The following FAM153A variants were observed in gnomAD, a reference collection of about 807,000 sequenced individuals.
The protein encoded by FAM153A is family with sequence similarity 153 member A.
In FAM153A, 12 loss-of-function variants were observed where a neutral mutation model predicts 48.1. The observed-to-expected ratio is 0.25, with a 90% CI of 0.16 to 0.40. The LOEUF (loss-of-function observed/expected upper bound fraction) is 0.40. FAM153A is among the 10% of genes least tolerant of loss of function. FAM153A has a pLI of 1.00. For missense variants in FAM153A, 111 were observed against 345.8 expected (o/e 0.32, Z 5.38); for synonymous variants, 36 against 118.2 (o/e 0.30, Z 4.51).
chr5:177,706,664 A>G (rs538351233), downstream of FAM153A: 31 of 152,030 alleles, frequency 2.0e-4, no homozygotes, highest in South Asian at 2.3e-3. Flanking sequence ...ACTATTTTCT[A>G]TGTTAATTCT....
chr5:177,704,226 A>C (rs377138110), downstream of FAM153A, among the ~76,000 whole-genome samples: 3 of 56,146 alleles, frequency 5.3e-5, no homozygotes, highest in Non-Finnish European at 3.3e-5. Context: ...TGTTTGAGGT[A>C]GGGCATGGTG....
intron 26 of FAM153A, among the ~76,000 whole-genome samples, chr5:177,713,433 A>AT (rs1758879999): frequency 6.9e-6 from 1 of 145,720 alleles, no homozygotes; most frequent in South Asian, 2.2e-4. Context: ...TTTTTTTTGT[A>AT]TTTTTAGTAG....
At chr5:177,714,216 T>C (rs1203847377) in intron 25 of FAM153A, 1 of 150,756 alleles carries the variant, frequency 6.6e-6, no homozygotes, top group Non-Finnish European at 1.5e-5. Context: ...AAAAGCAATA[T>C]ATTAACAAAT....
intron 12 of FAM153A, among the ~76,000 whole-genome samples, chr5:177,736,332 C>A (rs543246394): frequency 1.3e-5 from 2 of 149,524 alleles, no homozygotes. Context: ...CAGACTGTCT[C>A]CTCTGTCCCT....
chr5:177,772,091 A>G, intron 1 of FAM153A, among the ~76,000 whole-genome samples: 1 of 99,072 alleles, frequency 1.0e-5, no homozygotes, highest in South Asian at 3.6e-4. Flanking sequence ...AATGCATTAT[A>G]TAAGGTTTTC....
chr5:177,765,415 T>G (rs1768665895), intron 1 of FAM153A, among the ~76,000 whole-genome samples: 1 of 107,610 alleles, frequency 9.3e-6, no homozygotes, highest in Non-Finnish European at 1.9e-5. Context: ...CTGGCCCCAG[T>G]GAGGATGCCT....
intron 1 of FAM153A, chr5:177,753,067 G>C (rs1767239931): frequency 2.7e-6 from 2 of 730,326 alleles, no homozygotes; most frequent in African/African-American, 2.0e-5. Context: ...TAAATCTGTA[G>C]ACAAATAGGA....
At chr5:177,708,988 G>A (rs529877003), downstream of FAM153A, among the ~76,000 whole-genome samples, 6 of 149,854 alleles carry the variant, frequency 4.0e-5, no homozygotes, top group Non-Finnish European at 8.9e-5. Context: ...CCAGCGACTC[G>A]GGAGGCTGGG....
At chr5:177,706,216 A>C (rs1397810953), downstream of FAM153A, among the ~76,000 whole-genome samples, 1 of 151,654 alleles carries the variant, frequency 6.6e-6, no homozygotes, top group Admixed American at 6.6e-5. Flanking sequence ...GTTGTTTTTG[A>C]GACAGAGTCT....
At chr5:177,708,233 T>C (rs1456826835), downstream of FAM153A, among the ~76,000 whole-genome samples, 1 of 148,594 alleles carries the variant, frequency 6.7e-6, no homozygotes, top group East Asian at 2.0e-4. Flanking sequence ...ACATCACTGG[T>C]TTCAGGGTTT....
chr5:177,705,438 G>T (rs1207532434), downstream of FAM153A, among the ~76,000 whole-genome samples: 10 of 149,384 alleles, frequency 6.7e-5, no homozygotes, highest in Admixed American at 6.1e-4. Flanking sequence ...AGCAGAAGCT[G>T]CTATGCTGCT....
chr5:177,744,849 A>C, intron 5 of FAM153A, 39 bp downstream of exon 7: 1 of 1,314,960 alleles, frequency 7.6e-7, no homozygotes, highest in South Asian at 1.2e-5. Flanking sequence ...AAGCTAAGAA[A>C]GCAACAGTTT....
chr5:177,738,943 G>A (rs1438999101), intron 10 of FAM153A, among the ~76,000 whole-genome samples, 170 bp downstream of exon 12: 1 of 149,584 alleles, frequency 6.7e-6, no homozygotes, highest in Admixed American at 6.6e-5. Flanking sequence ...CAGAGACTAC[G>A]TAGGATGGTC....
downstream of FAM153A, chr5:177,706,639 T>C (rs1364445419): frequency 6.6e-6 from 1 of 151,946 alleles, no homozygotes; most frequent in Non-Finnish European, 1.5e-5. Context: ...TGAGAACTTT[T>C]GTTAACCAGG....
downstream of FAM153A, among the ~76,000 whole-genome samples, chr5:177,719,545 ATGGTCTAAGC>A (rs986545116): frequency 1.9e-4 from 29 of 150,510 alleles, 1 homozygote; most frequent in African/African-American, 7.2e-4. Flanking sequence ...GCTCTCAGTC[ATGGTCTAAGC>A]TGGCACTGGC....
upstream of FAM153A, among the ~76,000 whole-genome samples, chr5:177,754,091 G>C (rs1189342398): frequency 6.6e-6 from 1 of 151,766 alleles, no homozygotes; most frequent in Non-Finnish European, 1.5e-5. Flanking sequence ...CCCTAGCCAA[G>C]GAAAGGGATG....
intron 18 of FAM153A, among the ~76,000 whole-genome samples, chr5:177,725,857 G>C (rs1235933358): frequency 1.3e-5 from 2 of 151,982 alleles, no homozygotes. Context: ...GCCAGCCACA[G>C]AGGGCCCTGA....
chr5:177,752,699 G>A (rs2127696559), intron 1 of FAM153A, among the ~76,000 whole-genome samples: 1 of 133,378 alleles, frequency 7.5e-6, no homozygotes, highest in Non-Finnish European at 1.6e-5. Context: ...GGAGGCCAAG[G>A]AAGGTGGATC....
At chr5:177,719,269 A>G (rs1161293679), downstream of FAM153A, among the ~76,000 whole-genome samples, 1 of 150,728 alleles carries the variant, frequency 6.6e-6, no homozygotes, top group East Asian at 1.9e-4. Context: ...CTTTGAGAGG[A>G]CAGGACAGAA....
Sources: allele counts gnomAD v4.1 joint callset (sites outside exome capture counted in the v4.1 genomes callset), GRCh38; gene constraint gnomAD v4.1.1; transcripts MANE v1.5; gene names NCBI Gene and HGNC (gene_info 2026-07-23, HGNC 2026-07-21).